NCOA6: variants seen among roughly 807,000 people sequenced by gnomAD.
The protein encoded by NCOA6 is NRC RAP250.
Under a neutral mutation model 171.4 loss-of-function variants are expected in NCOA6, and 49 were observed. The ratio of observed to expected loss-of-function variants is 0.29; its 90% CI spans 0.23 to 0.36. The LOEUF is 0.36. NCOA6 is among the 10% of genes least tolerant of loss of function. NCOA6 has a pLI of 1.00. For synonymous variants in NCOA6, 910 were observed against 927.5 expected (o/e 0.98, Z 0.34); for missense variants, 2,248 against 2,554.5 (o/e 0.88, Z 2.59).
At chr20:34,811,237 G>A (rs1182205235) in intron 1 of NCOA6, among the ~76,000 whole-genome samples, 9 of 34,272 alleles carry the variant, frequency 2.6e-4, no homozygotes, top group African/African-American at 3.2e-4. Flanking sequence ...ATATATATAT[G>A]CTTTCAAAAT....
In NCOA6 at chr20:34,750,183, C is replaced by T. The variant is rs780621166; in HGVS notation, c.2012G>A (p.Gly671Glu). 50 of 1,611,496 alleles carry T rather than the reference C, an allele frequency of 3.1e-5. No homozygotes were observed. The highest frequency in any genetic ancestry group is 1.7e-5 in the Admixed American group (1 of 59,766). ...MMVNPPSQNL[G>E]PSPQRMTPPK... is the part of the protein sequence containing the mutation. Reference sequence around the variant, plus strand: ...TGGGGTCATCCTTTGGGGCGAGGGCCCAAGATTTTGGCTCGGGGGGTTCAC... The same window carrying T: ...TGGGGTCATCCTTTGGGGCGAGGGCTCAAGATTTTGGCTCGGGGGGTTCAC... Residue 671 changes from glycine (G) to glutamate (E), a missense_variant, in exon 9 of 15, where the codon GGG (glycine) becomes GAG (glutamate). Around this residue, in one of 7 missense-constraint regions of NCOA6, gnomAD observed 987 missense variants for 1,104.7 expected, o/e 0.89. Transcript: ENST00000359003.
rs1161571272 is a variant in NCOA6, at chr20:34,742,041, C to CACAG, written c.4211_4214dup (p.Ala1406CysfsTer9). On this transcript the variant is annotated frameshift_variant, in exon 11 of 15. Transcript: ENST00000359003. LOFTEE classifies it high-confidence loss of function. Reference sequence around the variant, plus strand: ...CCTCAACAACACCCCCAACTGCAGCCACAGACACAGTAGAATTCTGAGGAT... The same window carrying CACAG: ...CCTCAACAACACCCCCAACTGCAGCCACAGACAGACACAGTAGAATTCTGAGGAT... 1 of 1,614,028 alleles carries CACAG rather than the reference C, an allele frequency of 6.2e-7. No homozygotes were observed. The highest frequency in any genetic ancestry group is 8.5e-7 in the Non-Finnish European group (1 of 1,180,032).
At chr20:34,783,930 C>T (rs539830002) in intron 2 of NCOA6, among the ~76,000 whole-genome samples, 4 of 149,588 alleles carry the variant, frequency 2.7e-5, no homozygotes, top group African/African-American at 9.9e-5. Flanking sequence ...TTATTTATGG[C>T]ACTTATTTAT....
chr20:34,786,210 G>C (rs2077674691), intron 2 of NCOA6, among the ~76,000 whole-genome samples: 1 of 152,036 alleles, frequency 6.6e-6, no homozygotes, highest in Admixed American at 6.6e-5. Flanking sequence ...ATTTCTGATT[G>C]TGCTTATTTA....
chr20:34,818,089 A>C (rs910665531), intron 1 of NCOA6, among the ~76,000 whole-genome samples: 3 of 152,234 alleles, frequency 2.0e-5, no homozygotes, highest in Non-Finnish European at 4.4e-5. Flanking sequence ...ATATGTAAAA[A>C]GGGATTAAAA....
At chr20:34,816,002 T>C (rs1447643081) in intron 1 of NCOA6, among the ~76,000 whole-genome samples, 1 of 152,204 alleles carries the variant, frequency 6.6e-6, no homozygotes, top group East Asian at 1.9e-4. Flanking sequence ...AACATTCAAA[T>C]GTCTTAGACC....
At chr20:34,736,414 T>C (rs1413656615) in intron 12 of NCOA6, among the ~76,000 whole-genome samples, 1 of 152,144 alleles carries the variant, frequency 6.6e-6, no homozygotes, top group East Asian at 1.9e-4. Context: ...CAGAAACCCA[T>C]GGCTGGGTGG....
At position 34,817,123 on chromosome 20, in the gene NCOA6, ACAC is replaced by A. The variant is rs1568901726; in HGVS notation, c.-164+8346_-164+8348del. 3.7e-3 allele frequency among the ~76,000 whole-genome samples: 492 copies of A among 131,550 alleles called. 68 individuals carry two copies. The highest frequency in any genetic ancestry group is 5.4e-3 in the Non-Finnish European group (317 of 58,258). The allele number at this position is 131,550 out of a possible 152,430, so 86.3% of individuals were successfully genotyped here. A position where few individuals can be genotyped will look rare whatever the true frequency, so the allele number is the denominator to read the frequency against. ...GGGCAACAGAGTGAGACTCCATCACACACACACACAAAAAAGCAAAAGCAAAAG... is the reference window on the plus strand; with the variant it reads ...GGGCAACAGAGTGAGACTCCATCACAACACACAAAAAAGCAAAAGCAAAAG... On this transcript the variant is annotated intron_variant, in intron 1 of 14. Coordinates refer to ENST00000359003, the MANE Select transcript of NCOA6 (RefSeq NM_014071.5).
At chr20:34,782,566 A>C (rs1414443436) in intron 2 of NCOA6, among the ~76,000 whole-genome samples, 162 bp from the exon 3 acceptor site, 1 of 152,198 alleles carries the variant, frequency 6.6e-6, no homozygotes, top group Non-Finnish European at 1.5e-5. Flanking sequence ...ACATTCTAAA[A>C]CAATTAGTTC....
intron 2 of NCOA6, among the ~76,000 whole-genome samples, chr20:34,790,940 C>T (rs985494942): frequency 2.6e-5 from 4 of 152,144 alleles, no homozygotes; most frequent in African/African-American, 4.8e-5. Flanking sequence ...CGTGAGCCAC[C>T]GCACCCGGTC....
Position 34,758,032 on chromosome 20 carries a change from G to C in NCOA6, c.716C>G (p.Pro239Arg), listed in dbSNP as rs117787172. 1,624 of 1,614,038 alleles carry C rather than the reference G, an allele frequency of 1.0e-3. 31 individuals are homozygous for C. The East Asian group carries it at 0.031, about 31-fold the overall frequency. Residue 239 changes from proline (P) to arginine (R), a missense_variant, in exon 7 of 15, where the codon CCA becomes CGA. This residue lies in a region of NCOA6 where 987 missense variants were observed against 1,104.7 expected (regional missense o/e 0.89). Coordinates refer to ENST00000359003, the MANE Select transcript of NCOA6 (RefSeq NM_014071.5). ...AGAGACAGGCTGCATTGGGTGATGTGGGGGAGCTAAAGATCCTGAGGGATG... is the reference window on the plus strand; with the variant it reads ...AGAGACAGGCTGCATTGGGTGATGTCGGGGAGCTAAAGATCCTGAGGGATG... The part of the protein sequence containing the change: ...QSHPSGSLAP[P>R]HHPMQPVSVN...
chr20:34,757,533 C>G lies in NCOA6; in HGVS notation c.1215G>C (p.Lys405Asn), dbSNP rs1320282322. 2 of 1,613,820 alleles carry G rather than the reference C, an allele frequency of 1.2e-6. No individual in the cohort carries two copies. The highest frequency in any genetic ancestry group is 1.7e-6 in the Non-Finnish European group (2 of 1,179,962). Residue 405 changes from lysine to asparagine, a missense_variant, in exon 7 of 15, where the codon AAG becomes AAC. Lys to Asn is a moderately conservative substitution (Grantham distance 94). Transcript: ENST00000359003. ...CCCTAGAGGGCCCTCCCTGCAAACT[C>G]TTCATCTGAGGAGCTGTGAACTGGC... ...NPGQFTAPQMKSLQGGPSRVP... is the reference protein window; with the variant it reads ...NPGQFTAPQMNSLQGGPSRVP...
chr20:34,767,607 C>T (rs1171650836), intron 5 of NCOA6, among the ~76,000 whole-genome samples: 1 of 152,162 alleles, frequency 6.6e-6, no homozygotes, highest in African/African-American at 2.4e-5. Context: ...AGACTAGCAT[C>T]TTATAAATTG....
At chr20:34,808,606 T>C (rs1039168439) in intron 1 of NCOA6, among the ~76,000 whole-genome samples, 3 of 151,974 alleles carry the variant, frequency 2.0e-5, no homozygotes, top group African/African-American at 7.3e-5. Flanking sequence ...GCCTGGCTAA[T>C]TTTGTATTTT....
chr20:34,739,825 A>G (rs2076076013), intron 11 of NCOA6, among the ~76,000 whole-genome samples: 1 of 152,186 alleles, frequency 6.6e-6, no homozygotes, highest in Non-Finnish European at 1.5e-5. Flanking sequence ...AATGAAAGGT[A>G]TCATTATTTC....
In NCOA6 at chr20:34,750,042, G is replaced by C. The variant is rs1424838171; in HGVS notation, c.2153C>G (p.Thr718Ser). The change falls in exon 9 of 15, where the codon ACC (threonine) becomes AGC (serine). Residue 718 changes from threonine to serine, a missense_variant. Transcript: ENST00000359003. ...QQNPMIEQIM[T>S]NQMQGNKQQF... is the part of the protein sequence containing the mutation. ...CTGCTTATTCCCCTGCATTTGATTG[G>C]TCATAATCTGCTCTATCATTGGGTT... 6.2e-7 allele frequency: 1 copy of C among 1,614,200 alleles called. No homozygotes were observed. The highest frequency in any genetic ancestry group is 1.1e-5 in the South Asian group (1 of 91,086).
intron 2 of NCOA6, among the ~76,000 whole-genome samples, chr20:34,791,690 G>T (rs368606845): frequency 6.6e-6 from 1 of 152,194 alleles, no homozygotes; most frequent in Non-Finnish European, 1.5e-5. Flanking sequence ...TACATTTAAT[G>T]TAAACAATGA....
chr20:34,825,014 TTCCACG>T (rs1193843821), intron 1 of NCOA6, among the ~76,000 whole-genome samples: 2 of 152,086 alleles, frequency 1.3e-5, no homozygotes, highest in Non-Finnish European at 2.9e-5. Context: ...CCTAACCCAG[TTCCACG>T]TCCTGCCATC....
At chr20:34,791,471 CCTT>C (rs1189347189) in intron 2 of NCOA6, among the ~76,000 whole-genome samples, 3 of 152,258 alleles carry the variant, frequency 2.0e-5, no homozygotes, top group African/African-American at 2.4e-5. Flanking sequence ...TAATAGCACT[CCTT>C]CTTTCCTCCT....
Sources: gnomAD v4.1 joint callset for allele counts (sites outside exome capture counted in the v4.1 genomes callset) on GRCh38, gnomAD v4.1.1 for gene constraint, gnomAD v4.1.1 regional missense constraint, MANE v1.5 for transcripts, NCBI Gene and HGNC (gene_info 2026-07-23, HGNC 2026-07-21) for gene names.